Variants in GCSAM observed in about 807,000 individuals in gnomAD.
GCSAM encodes germinal center-associated signaling and motility protein.
Under a neutral mutation model 17.6 loss-of-function variants are expected in GCSAM, and 8 were observed. The observed-to-expected ratio is 0.46, with a 90% CI of 0.27 to 0.82. The LOEUF is 0.82. Ranked by LOEUF, GCSAM falls within the 40% of genes least tolerant of loss-of-function variation. GCSAM has a pLI of 0.15. For synonymous variants in GCSAM, 68 were observed against 69.0 expected (o/e 0.98, Z 0.07); for missense variants, 192 against 213.5 (o/e 0.90, Z 0.63).
Position 112,123,427 on chromosome 3 carries a change from CT to C in GCSAM, c.*27del, listed in dbSNP as rs571523011. The C allele has an allele frequency of 7.8e-4, 1,258 of 1,602,578 alleles. 16 individuals carry two copies. In the South Asian group the frequency reaches 0.013, roughly 17 times the overall value. On this transcript the variant is annotated 3_prime_UTR_variant, in exon 6 of 6. Coordinates refer to ENST00000308910, the MANE Select transcript of GCSAM (RefSeq NM_152785.5). ...CCATCCCACCTTTTATTTGTTGGTG[CT>C]AAACAAATGCTAGTCCAGCCACTTC...
At position 112,133,102 on chromosome 3, in the gene GCSAM, T is replaced by A. The variant is rs2074498161; in HGVS notation, c.19A>T (p.Arg7Ter). 1 of 1,613,890 alleles carries A rather than the reference T, an allele frequency of 6.2e-7. No homozygotes were observed. Among genetic ancestry groups the A allele is most frequent in the East Asian group, 2.2e-5 (1 of 44,884 alleles). MGNSLL[R>*]ENRRQQNTQE... ...GGAGTCTAGACTTACCTGTTTTCTC[T>A]CAGCAGAGAATTTCCCATCCTCTCA... Residue 7 changes from arginine (R) to a stop codon, truncating the protein, a stop_gained, in exon 1 of 6, where the codon AGA becomes TGA. Coordinates refer to ENST00000308910, the MANE Select transcript of GCSAM (RefSeq NM_152785.5). LOFTEE classifies it high-confidence loss of function.
intron 3 of GCSAM, among the ~76,000 whole-genome samples, chr3:112,127,719 G>A (rs746808040): frequency 2.6e-5 from 4 of 152,142 alleles, no homozygotes; most frequent in African/African-American, 4.8e-5. Flanking sequence ...TGTGTGCTTC[G>A]GAACATGCAG....
rs2074200347 is a variant in GCSAM, at chr3:112,121,577, AG to A, written c.*1877del. On this transcript the variant is annotated 3_prime_UTR_variant, in exon 6 of 6. Transcript: ENST00000308910. The stretch of plus-strand genomic sequence containing the variant: ...CGCTGGGTCTACACTCTTTCCTCTA[AG>A]CCATGTTACATCTTGTACAATATCC... 2.0e-5 allele frequency: 3 copies of A among 152,324 alleles called. No homozygotes were observed. The South Asian group carries it at 6.2e-4, about 32-fold the overall frequency. 9.4% of individuals were successfully genotyped at this position (152,324 alleles called of 1,614,324 possible).
At chr3:112,132,961 G>T in intron 1 of GCSAM, 131 bp downstream of exon 1, 1 of 882,000 alleles carries the variant, frequency 1.1e-6, no homozygotes, top group Non-Finnish European at 1.8e-6. Flanking sequence ...CTGAAGGCTT[G>T]GCAGTTTCCT....
At chr3:112,127,935 G>T in intron 3 of GCSAM, 82 bp downstream of exon 3, 1 of 1,173,668 alleles carries the variant, frequency 8.5e-7, no homozygotes. Flanking sequence ...TGTGGCCACA[G>T]ACAGTCACAG....
chr3:112,131,113 A>C (rs1172981076), intron 1 of GCSAM: 1 of 152,526 alleles, frequency 6.6e-6, no homozygotes, highest in Non-Finnish European at 1.5e-5. Flanking sequence ...TATGCCAATC[A>C]TTTTGTGTGT....
rs1007192318 is a variant in GCSAM, at chr3:112,126,941, T to C, written c.190+46A>G. 2.9e-5 allele frequency: 37 copies of C among 1,262,882 alleles called. 1 individual carries two copies. The allele number at this position is 1,262,882 out of a possible 1,614,324, so 78.2% of individuals were successfully genotyped here. A position where few individuals can be genotyped will look rare whatever the true frequency, so the allele number is the denominator to read the frequency against. On this transcript the variant is annotated intron_variant, in intron 4 of 5. Transcript: ENST00000308910. ...ACATAGAGAAGAAGTAGTTTGGAAATGTAAGTCTTATCAAAAGTGAAAATA... is the reference window on the plus strand; with the variant it reads ...ACATAGAGAAGAAGTAGTTTGGAAACGTAAGTCTTATCAAAAGTGAAAATA...
At chr3:112,131,743 TAAC>T (rs1403521626) in intron 1 of GCSAM, among the ~76,000 whole-genome samples, 3 of 152,184 alleles carry the variant, frequency 2.0e-5, no homozygotes, top group Admixed American at 6.5e-5. Context: ...AAATGTAAAA[TAAC>T]AAAATCAAAA....
rs1180738757 is a variant in GCSAM at position 112,130,437 on chromosome 3, G to A, written c.98+8C>T. On this transcript the variant is annotated splice_region_variant and intron_variant, in intron 2 of 5. Transcript: ENST00000308910. ...GTCTGGGGGGTGTTTGGTTGATTTT[G>A]CTCTCACCTGGATGTTCTCTGTTTG... The A allele has an allele frequency of 6.2e-7, 1 of 1,612,592 alleles. No individual in the cohort carries two copies. The highest frequency in any genetic ancestry group is 1.7e-5 in the Admixed American group (1 of 60,016).
rs537112829 is a variant in GCSAM, at chr3:112,129,152, T to A, written c.99-1091A>T. 3.3e-5 allele frequency: 5 copies of A among 152,312 alleles called. No individual in the cohort carries two copies. The South Asian group carries it at 6.2e-4, about 19-fold the overall frequency. The allele number at this position is 152,312 out of a possible 1,614,324, so 9.4% of individuals were successfully genotyped here. A position where few individuals can be genotyped will look rare whatever the true frequency, so the allele number is the denominator to read the frequency against. On this transcript the variant is annotated intron_variant, in intron 2 of 5. Transcript: ENST00000308910. ...ATGTGCTTCAGACCGTTTGCTTACA[T>A]TATCTGCTTTGTTGCTAAGGAAACA...
At position 112,121,462 on chromosome 3, in the gene GCSAM, A is replaced by G. The variant is rs2074198200; in HGVS notation, c.*1993T>C. The G allele has an allele frequency of 6.6e-6, 1 of 152,172 alleles. No individual in the cohort carries two copies. The highest frequency in any genetic ancestry group is 1.5e-5 in the Non-Finnish European group (1 of 68,030). 9.4% of individuals were successfully genotyped at this position (152,172 alleles called of 1,614,324 possible). On this transcript the variant is annotated 3_prime_UTR_variant, in exon 6 of 6. Transcript: ENST00000308910. ...TGCATTAGATGTAATCCTCCTGTTG[A>G]TGGTGAAGAAGCTGAGCCTCCAAGT...
rs758406606 is a variant in GCSAM at position 112,126,995 on chromosome 3, T to G, written c.182A>C (p.Gln61Pro). 1 of 1,588,750 alleles carries G rather than the reference T, an allele frequency of 6.3e-7. No homozygotes were observed. Among genetic ancestry groups the G allele is most frequent in the Admixed American group, 1.7e-5 (1 of 58,522 alleles). ...ILIFEKRQDSQNENERMSSTP... is the reference protein window; with the variant it reads ...ILIFEKRQDSPNENERMSSTP... ...GGAAATCAATGACTTACTTTCGTTT[T>G]GGGAATCTTGCCTCTTTTCAAAAAT... Residue 61 changes from glutamine to proline, a missense_variant, in exon 4 of 6, where the codon CAA (glutamine) becomes CCA (proline). Physicochemically the swap from Gln to Pro is moderately conservative, Grantham distance 76. Coordinates refer to ENST00000308910, the MANE Select transcript of GCSAM (RefSeq NM_152785.5).
At chr3:112,125,339 T>A in intron 4 of GCSAM, 85 bp from the exon 5 acceptor site, 1 of 943,070 alleles carries the variant, frequency 1.1e-6, no homozygotes. Context: ...TATAAATAAC[T>A]AAAAAGCCAA....
rs187634990 is a variant in GCSAM, at chr3:112,128,126, C to T, written c.99-65G>A. The T allele has an allele frequency of 8.6e-4, 1,262 of 1,467,486 alleles. 12 individuals are homozygous for T. The African/African-American group carries it at 0.015, about 18-fold the overall frequency. The allele number at this position is 1,467,486 out of a possible 1,614,324, so 90.9% of individuals were successfully genotyped here. A position where few individuals can be genotyped will look rare whatever the true frequency, so the allele number is the denominator to read the frequency against. On this transcript the variant is annotated intron_variant, in intron 2 of 5. Coordinates refer to ENST00000308910, the MANE Select transcript of GCSAM (RefSeq NM_152785.5). ...TTCTGCAGCTTTGTTAAGGTGACTC[C>T]TTTCCTTTTGCCATTTCTGTGGAAA...
chr3:112,126,239 A>G (rs184287810), intron 4 of GCSAM, among the ~76,000 whole-genome samples: 45 of 152,292 alleles, frequency 3.0e-4, no homozygotes, highest in African/African-American at 1.1e-3. Context: ...TCATTTACAC[A>G]TCTTGCAGGG....
In GCSAM at chr3:112,122,329, T is replaced by C. The variant is rs1214818434; in HGVS notation, c.*1126A>G. 1 of 152,190 alleles carries C rather than the reference T, an allele frequency of 6.6e-6. No individual in the cohort carries two copies. Among genetic ancestry groups the C allele is most frequent in the East Asian group, 1.9e-4 (1 of 5,196 alleles). The allele number at this position is 152,190 out of a possible 1,614,324, so 9.4% of individuals were successfully genotyped here. On this transcript the variant is annotated 3_prime_UTR_variant, in exon 6 of 6. Transcript: ENST00000308910. ...CCCATGGTTGAACAATCATAGATAGTAGGTAAACAAATGAGTGTGGCTGTG... is the reference window on the plus strand; with the variant it reads ...CCCATGGTTGAACAATCATAGATAGCAGGTAAACAAATGAGTGTGGCTGTG...
chr3:112,132,678 C>T (rs2074485631), intron 1 of GCSAM: 3 of 987,360 alleles, frequency 3.0e-6, no homozygotes, highest in South Asian at 9.4e-5. Flanking sequence ...CTCAAGGTGG[C>T]AGGAAGCTTG....
chr3:112,126,503 C>A (rs960609933), intron 4 of GCSAM, among the ~76,000 whole-genome samples: 6 of 152,142 alleles, frequency 3.9e-5, no homozygotes, highest in African/African-American at 1.4e-4. Flanking sequence ...TCTGCTCTTC[C>A]GGCTCCTTGC....
rs775558507 is a variant in GCSAM at position 112,128,001 on chromosome 3, AC to A, written c.143+15del. ...ACACTTAGGGAAATAACTCCTAAAA[AC>A]AACTGTCCACTCACCATGGAAGGCA... is the stretch of plus-strand genomic sequence containing the variant. On this transcript the variant is annotated intron_variant, in intron 3 of 5. Transcript: ENST00000308910. 4 of 1,610,998 alleles carry A rather than the reference AC, an allele frequency of 2.5e-6. No homozygotes were observed. The highest frequency in any genetic ancestry group is 3.4e-6 in the Non-Finnish European group (4 of 1,177,394).
Sources: gnomAD v4.1 joint callset for allele counts (sites outside exome capture counted in the v4.1 genomes callset) on GRCh38, gnomAD v4.1.1 for gene constraint, MANE v1.5 for transcripts, NCBI Gene and HGNC (gene_info 2026-07-23, HGNC 2026-07-21) for gene names.